PCDHGB2: variants seen among roughly 807,000 people sequenced by gnomAD.
The protein encoded by PCDHGB2 is protocadherin gamma subfamily B, 2, also known as protocadherin gamma-B2.
A neutral mutation model predicts 59.3 loss-of-function variants in PCDHGB2; 55 were observed. The observed-to-expected ratio is 0.93, with a 90% confidence interval of 0.75 to 1.16. The LOEUF (loss-of-function observed/expected upper bound fraction) is 1.16. Ranked by LOEUF, PCDHGB2 falls within the 50% of genes most tolerant of loss-of-function variation. PCDHGB2 has a pLI of 0.00. For missense variants in PCDHGB2, 1,228 were observed against 1,198.5 expected (o/e 1.02, Z -0.36); for synonymous variants, 516 against 512.0 (o/e 1.01, Z -0.11).
intron 1 of PCDHGB2, chr5:141,396,060 G>C (rs1309175410): frequency 6.6e-6 from 1 of 152,200 alleles, no homozygotes; most frequent in African/African-American, 2.4e-5. Flanking sequence ...CCAATTAGCT[G>C]TTTCGGTTGT....
At chr5:141,372,078 G>C in intron 1 of PCDHGB2, 1 of 1,613,738 alleles carries the variant, frequency 6.2e-7, no homozygotes. Context: ...TGCACCGCTG[G>C]TGCTGTACCC....
intron 1 of PCDHGB2, chr5:141,394,299 C>G: frequency 6.2e-7 from 1 of 1,614,002 alleles, no homozygotes; most frequent in Middle Eastern, 1.6e-4. Context: ...CGAGGACACG[C>G]TGCAGGGGGC....
At chr5:141,389,528 G>T (rs200792478) in intron 1 of PCDHGB2, 2 of 1,613,210 alleles carry the variant, frequency 1.2e-6, no homozygotes, top group Non-Finnish European at 1.7e-6. Flanking sequence ...GCCTGCGCGT[G>T]TTAGTGGACG....
Position 141,477,763 on chromosome 5 carries a change from C to G in PCDHGB2, c.2422-17044C>G, listed in dbSNP as rs763322593. The G allele has an allele frequency of 6.2e-7, 1 of 1,614,012 alleles. No homozygotes were observed. Among genetic ancestry groups the G allele is most frequent in the Non-Finnish European group, 8.5e-7 (1 of 1,180,032 alleles). Reference sequence around the variant, plus strand: ...ATGGGGGCACCCCGGTCCTAGCCACCAACATCAGCGTGAACATATTTGTCA... The same window carrying G: ...ATGGGGGCACCCCGGTCCTAGCCACGAACATCAGCGTGAACATATTTGTCA... On this transcript the variant is annotated intron_variant, in intron 1 of 3. Transcript: ENST00000522605. This position sits in a 1 kb window ranked among gnomAD's most constrained non-coding sequence, Gnocchi z 4.9.
intron 1 of PCDHGB2, among the ~76,000 whole-genome samples, chr5:141,435,794 C>T (rs993951734): frequency 2.6e-5 from 4 of 151,934 alleles, no homozygotes; most frequent in Admixed American, 6.6e-5. Flanking sequence ...GGAAACATAA[C>T]GTCCCAATTA....
intron 1 of PCDHGB2, chr5:141,478,852 A>G (rs2099480601): frequency 7.3e-7 from 1 of 1,367,502 alleles, no homozygotes; most frequent in African/African-American, 1.5e-5. Flanking sequence ...GCTAAAACAC[A>G]AGATCTCAGC....
chr5:141,363,318 A>C (rs1762874223), intron 1 of PCDHGB2, among the ~76,000 whole-genome samples: 1 of 152,190 alleles, frequency 6.6e-6, no homozygotes, highest in Admixed American at 6.5e-5. Flanking sequence ...GTTTTCTATG[A>C]AAGTGTTATT....
intron 1 of PCDHGB2, chr5:141,374,740 C>A (rs1337639511): frequency 6.2e-7 from 1 of 1,611,592 alleles, no homozygotes; most frequent in Admixed American, 1.7e-5. Context: ...ATGGCGGCGA[C>A]CCTGTCCGCT....
chr5:141,422,314 C>G (rs1207977453), intron 1 of PCDHGB2: 2 of 1,547,838 alleles, frequency 1.3e-6, no homozygotes, highest in Non-Finnish European at 1.7e-6. Context: ...AAACTCTCCT[C>G]CAGGTACAGT....
Position 141,477,447 on chromosome 5 carries a change from G to C in PCDHGB2, c.2422-17360G>C, listed in dbSNP as rs779097830. On this transcript the variant is annotated intron_variant, in intron 1 of 3. Coordinates refer to ENST00000522605, the MANE Select transcript of PCDHGB2 (RefSeq NM_018923.3). The surrounding 1 kb of genome is among the most constrained non-coding windows in gnomAD (Gnocchi z 4.9). ...TCCCTCTCAGCCCTTACAATAGTGCGTGTTCAAGTGTCCGACATCAATGAC... is the reference window on the plus strand; with the variant it reads ...TCCCTCTCAGCCCTTACAATAGTGCCTGTTCAAGTGTCCGACATCAATGAC... The C allele has an allele frequency of 1.6e-5, 26 of 1,614,098 alleles. No individual in the cohort carries two copies. Among genetic ancestry groups the C allele is most frequent in the Non-Finnish European group, 2.2e-5 (26 of 1,180,016 alleles).
intron 1 of PCDHGB2, among the ~76,000 whole-genome samples, chr5:141,488,117 G>A (rs1231303931): frequency 6.6e-6 from 1 of 152,190 alleles, no homozygotes; most frequent in African/African-American, 2.4e-5. Flanking sequence ...GAAACATAGA[G>A]ACAGCAGAAA....
In PCDHGB2 at chr5:141,431,509, C is replaced by T. The variant is rs774558486; in HGVS notation, c.2422-63298C>T. The T allele has an allele frequency of 3.1e-6, 5 of 1,613,992 alleles. 1 individual carries two copies. In the Admixed American group the frequency reaches 5.0e-5, roughly 16 times the overall value. On this transcript the variant is annotated intron_variant, in intron 1 of 3. Coordinates refer to ENST00000522605, the MANE Select transcript of PCDHGB2 (RefSeq NM_018923.3). This position sits in a 1 kb window ranked among gnomAD's most constrained non-coding sequence, Gnocchi z 4.8. ...TTGCTCAGCCCGAGTACCGCGCGAG[C>T]GTTCCGGAGAATCTGGCCTTGGGCA...
rs772000812 is a variant in PCDHGB2, at chr5:141,478,304, C to T, written c.2422-16503C>T. The T allele has an allele frequency of 8.1e-6, 13 of 1,614,108 alleles. No individual in the cohort carries two copies. In the Middle Eastern group the frequency reaches 1.2e-3, roughly 143 times the overall value. On this transcript the variant is annotated intron_variant, in intron 1 of 3. Coordinates refer to ENST00000522605, the MANE Select transcript of PCDHGB2 (RefSeq NM_018923.3). The stretch of plus-strand genomic sequence containing the variant: ...GCAGTCTAGAGACCTATACCGAGCC[C>T]CGGTGAGCTCACTGTACCGAACACC...
chr5:141,375,630 C>T (rs1162494057), intron 1 of PCDHGB2: 2 of 1,614,246 alleles, frequency 1.2e-6, no homozygotes, highest in Non-Finnish European at 1.7e-6. Flanking sequence ...ATTCTGTACG[C>T]CCTGCGCTCC....
rs527641698 is a variant in PCDHGB2 at position 141,410,317 on chromosome 5, C to G, written c.2421+47761C>G. The G allele has an allele frequency of 2.5e-6, 4 of 1,613,892 alleles. No homozygotes were observed. In the East Asian group the frequency reaches 6.7e-5, roughly 27 times the overall value. ...CCTTAATCTCAGTGCTCTTCCTCCT[C>G]GCCGTGATTCTGGCCATTGCCTTGC... On this transcript the variant is annotated intron_variant, in intron 1 of 3. Transcript: ENST00000522605.
At chr5:141,415,879 T>C (rs1002596454) in intron 1 of PCDHGB2, 1 of 1,003,176 alleles carries the variant, frequency 1.0e-6, no homozygotes, top group African/African-American at 1.7e-5. Context: ...TTGAGTACAA[T>C]ATTGACAATT....
chr5:141,509,346 G>A (rs946395640), intron 3 of PCDHGB2, among the ~76,000 whole-genome samples: 7 of 152,194 alleles, frequency 4.6e-5, no homozygotes, highest in Non-Finnish European at 8.8e-5. Flanking sequence ...GCCTGGGCTG[G>A]CCTGGGCATC....
chr5:141,421,077 A>G (rs975269359), intron 1 of PCDHGB2: 1 of 619,100 alleles, frequency 1.6e-6, no homozygotes, highest in Non-Finnish European at 2.7e-6. Context: ...TGAGATGGAT[A>G]CTCACAGATC....
rs62621761 is a variant in PCDHGB2, at chr5:141,362,068, G to A, written c.1933G>A (p.Ala645Thr). The A allele has an allele frequency of 1.2e-6, 2 of 1,612,460 alleles. No individual in the cohort carries two copies. Among genetic ancestry groups the A allele is most frequent in the South Asian group, 1.1e-5 (1 of 91,046 alleles). Reference protein sequence around the residue: ...RDAARQRLLVAVRDGGQPPLS... With the variant: ...RDAARQRLLVTVRDGGQPPLS... ...CGCGGCCCGCCAGCGCCTGCTGGTC[G>A]CTGTGCGTGATGGAGGACAGCCGCC... Residue 645 changes from alanine to threonine, a missense_variant, in exon 1 of 4, where the codon GCT (alanine) becomes ACT (threonine). Physicochemically the swap from Ala to Thr is moderately conservative, Grantham distance 58. Coordinates refer to ENST00000522605, the MANE Select transcript of PCDHGB2 (RefSeq NM_018923.3).
Sources: gnomAD v4.1 joint callset for allele counts (sites outside exome capture counted in the v4.1 genomes callset) on GRCh38, gnomAD v4.1.1 for gene constraint, Gnocchi (gnomAD v3.1) non-coding constraint, MANE v1.5 for transcripts, NCBI Gene and HGNC (gene_info 2026-07-23, HGNC 2026-07-21) for gene names.